Variants in SLC37A1 observed in about 807,000 individuals in gnomAD.
The protein encoded by SLC37A1 is solute carrier family 37 member 1, also known as glucose-6-phosphate exchanger SLC37A1.
SLC37A1 carries 49 observed loss-of-function variants against 75.3 expected under a neutral mutation model. The ratio of observed to expected loss-of-function variants is 0.65; its 90% CI spans 0.52 to 0.83. SLC37A1 has a LOEUF of 0.83. Among genes scored for constraint, SLC37A1 ranks in the 40% least tolerant of loss-of-function variants. SLC37A1 has a pLI of 0.00. For missense variants in SLC37A1, 566 were observed against 695.0 expected (o/e 0.81, Z 2.09); for synonymous variants, 268 against 292.1 (o/e 0.92, Z 0.84).
intron 17 of SLC37A1, 78 bp from the exon 18 acceptor site, chr21:42,574,740 C>A: frequency 7.2e-7 from 1 of 1,394,444 alleles, no homozygotes; most frequent in South Asian, 1.2e-5. Context: ...GGTGTTGAGC[C>A]CCATTCTCTG....
intron 5 of SLC37A1, among the ~76,000 whole-genome samples, chr21:42,536,428 C>T (rs531603402): frequency 3.7e-4 from 56 of 152,190 alleles, no homozygotes; most frequent in African/African-American, 1.2e-3. Context: ...GGTCATAGGA[C>T]GTGTGATTGG....
chr21:42,529,848 G>A (rs2054900697), intron 3 of SLC37A1, among the ~76,000 whole-genome samples: 1 of 152,180 alleles, frequency 6.6e-6, no homozygotes, highest in Non-Finnish European at 1.5e-5. Flanking sequence ...TGGTCGTGAG[G>A]GGAGAGGAGT....
intron 9 of SLC37A1, among the ~76,000 whole-genome samples, chr21:42,550,878 T>C (rs118137491): frequency 0.029 from 4,309 of 149,298 alleles, 101 homozygotes; most frequent in Non-Finnish European, 0.044. Context: ...CAGCACCCTT[T>C]CATGTGAAAA....
At position 42,543,412 on chromosome 21, in the gene SLC37A1, G is replaced by A. The variant is rs753765266; in HGVS notation, c.564-24G>A. On this transcript the variant is annotated intron_variant, in intron 7 of 19. Coordinates refer to ENST00000352133, the MANE Select transcript of SLC37A1 (RefSeq NM_001320537.2). ...TTTCAGCTTCTCAGCTCCATCTTCTGTCTTCTGTTTTGTTGTGCTGCAGGA... is the reference window on the plus strand; with the variant it reads ...TTTCAGCTTCTCAGCTCCATCTTCTATCTTCTGTTTTGTTGTGCTGCAGGA... The A allele has an allele frequency of 1.4e-5, 22 of 1,614,006 alleles. No homozygotes were observed. In the East Asian group the frequency reaches 2.2e-4, roughly 16 times the overall value.
chr21:42,515,022 C>G (rs2054495860), intron 1 of SLC37A1: 2 of 152,248 alleles, frequency 1.3e-5, no homozygotes, highest in African/African-American at 4.8e-5. Flanking sequence ...GGCCCCAGAC[C>G]TGTGATTCAC....
upstream of SLC37A1, among the ~76,000 whole-genome samples, chr21:42,512,596 C>G (rs113485480): frequency 9.2e-3 from 1,407 of 152,288 alleles, 14 homozygotes; most frequent in African/African-American, 0.016. Flanking sequence ...AGCACTGGCA[C>G]AGGGGGCCTG....
At chr21:42,531,941 G>A (rs1004516592) in intron 3 of SLC37A1, among the ~76,000 whole-genome samples, 7 of 152,116 alleles carry the variant, frequency 4.6e-5, no homozygotes, top group African/African-American at 7.2e-5. Flanking sequence ...CCAGAGAGGC[G>A]CCCGGACTCA....
intron 3 of SLC37A1, among the ~76,000 whole-genome samples, chr21:42,530,277 C>G (rs2054914253): frequency 6.6e-6 from 1 of 152,122 alleles, no homozygotes; most frequent in Admixed American, 6.5e-5. Context: ...AGAAGCTCCT[C>G]CATCTATTTC....
intron 2 of SLC37A1, among the ~76,000 whole-genome samples, chr21:42,522,053 A>C (rs1357442473): frequency 6.6e-6 from 1 of 152,148 alleles, no homozygotes; most frequent in Non-Finnish European, 1.5e-5. Flanking sequence ...GCATCACACC[A>C]GTCTCTGCCT....
At chr21:42,567,370 A>G (rs112995017) in intron 16 of SLC37A1, among the ~76,000 whole-genome samples, 13,724 of 152,234 alleles carry the variant, frequency 0.09, 860 homozygotes, top group Non-Finnish European at 0.13. Flanking sequence ...GCCTCTGCAG[A>G]GAGAGAGGGG....
At chr21:42,531,856 T>C (rs1198530988) in intron 3 of SLC37A1, among the ~76,000 whole-genome samples, 1 of 152,218 alleles carries the variant, frequency 6.6e-6, no homozygotes, top group African/African-American at 2.4e-5. Flanking sequence ...GAAATCTCGA[T>C]GGCTTTGGCA....
At chr21:42,539,785 G>A (rs1013510053) in intron 6 of SLC37A1, 138 bp downstream of exon 6, 30 of 777,554 alleles carry the variant, frequency 3.9e-5, no homozygotes, top group African/African-American at 1.7e-4. Context: ...GTCAGCTGAC[G>A]TAACAAAGTC....
chr21:42,555,710 T>C (rs1029106983), intron 10 of SLC37A1, among the ~76,000 whole-genome samples: 44 of 152,248 alleles, frequency 2.9e-4, no homozygotes, highest in Admixed American at 2.9e-3. Context: ...AACTGACCCA[T>C]AGAACTAGCC....
At chr21:42,530,654 A>ACCCCCCC (rs1555882111) in intron 3 of SLC37A1, among the ~76,000 whole-genome samples, 24 of 35,894 alleles carry the variant, frequency 6.7e-4, no homozygotes, top group Admixed American at 1.1e-3. Flanking sequence ...ACACACACAC[A>ACCCCCCC]CCCCCTCTGT....
At chr21:42,515,425 T>G (rs1032612167) in intron 1 of SLC37A1, among the ~76,000 whole-genome samples, 1 of 152,206 alleles carries the variant, frequency 6.6e-6, no homozygotes, top group African/African-American at 2.4e-5. Context: ...TTTGATTATG[T>G]GTAATGCCAC....
chr21:42,505,312 C>T (rs1040630698), intron 2 of SLC37A1, among the ~76,000 whole-genome samples: 1 of 152,176 alleles, frequency 6.6e-6, no homozygotes. Context: ...TTTCAGTTCC[C>T]CAAACCCAAC....
chr21:42,551,862 G>T (rs1005620551), intron 9 of SLC37A1, among the ~76,000 whole-genome samples: 17 of 151,760 alleles, frequency 1.1e-4, no homozygotes, highest in Non-Finnish European at 2.9e-5. Context: ...ATTCTCCTTT[G>T]AATTGCTTTT....
In SLC37A1 at chr21:42,547,299, T is replaced by G. The variant is rs1414348870; in HGVS notation, c.768+159T>G. ...AGTTCTAGGAATAGAGAATATTCTG[T>G]TTTGGGTTTCGCTGATAATAACCTT... On this transcript the variant is annotated intron_variant, in intron 9 of 19. Coordinates refer to ENST00000352133, the MANE Select transcript of SLC37A1 (RefSeq NM_001320537.2). This position sits in a 1 kb window ranked among gnomAD's most constrained non-coding sequence, Gnocchi z 6.1. 2.6e-6 allele frequency: 2 copies of G among 783,436 alleles called. No homozygotes were observed. Among genetic ancestry groups the G allele is most frequent in the Non-Finnish European group, 4.2e-6 (2 of 475,530 alleles). The allele number at this position is 783,436 out of a possible 1,614,324, so 48.5% of individuals were successfully genotyped here.
At chr21:42,531,023 G>A (rs1340906698) in intron 3 of SLC37A1, among the ~76,000 whole-genome samples, 1 of 152,136 alleles carries the variant, frequency 6.6e-6, no homozygotes, top group African/African-American at 2.4e-5. Flanking sequence ...GATGAGGGAG[G>A]AGTCCAGTCT....
Sources: allele counts gnomAD v4.1 joint callset (sites outside exome capture counted in the v4.1 genomes callset), GRCh38; gene constraint gnomAD v4.1.1; non-coding constraint Gnocchi (gnomAD v3.1); transcripts MANE v1.5; gene names NCBI Gene and HGNC (gene_info 2026-07-23, HGNC 2026-07-21).